CFDP1: variants seen among roughly 807,000 people sequenced by gnomAD.
The protein encoded by CFDP1 is chromatin remodeling protein CFDP1.
Under a neutral mutation model 40.1 loss-of-function variants are expected in CFDP1, and 31 were observed. The ratio of observed to expected loss-of-function variants is 0.77; its 90% CI spans 0.58 to 1.04. CFDP1 has a LOEUF of 1.04. CFDP1 is among the 50% of genes least tolerant of loss of function. The pLI, the probability that CFDP1 is intolerant of heterozygous loss-of-function variation, is 0.00. For missense variants in CFDP1, 423 were observed against 343.4 expected, an observed-to-expected ratio of 1.23 and a Z score of -1.83; for synonymous variants, 167 against 120.0, an observed-to-expected ratio of 1.39 and a Z score of -2.56.
intron 5 of CFDP1, chr16:75,372,578 T>C (rs1436478569): frequency 6.6e-6 from 1 of 152,206 alleles, no homozygotes; most frequent in African/African-American, 2.4e-5. Flanking sequence ...CCTGAAAGAA[T>C]AAACAGAAAA....
intron 4 of CFDP1, among the ~76,000 whole-genome samples, chr16:75,407,406 G>A (rs1428020332): frequency 6.6e-6 from 1 of 152,108 alleles, no homozygotes; most frequent in South Asian, 2.1e-4. Flanking sequence ...GCTGGGTGTG[G>A]TGGCTCATAC....
chr16:75,334,690 C>T (rs926928569), intron 5 of CFDP1, among the ~76,000 whole-genome samples: 20 of 152,084 alleles, frequency 1.3e-4, no homozygotes, highest in Admixed American at 6.6e-4. Context: ...TGCAGTGGCT[C>T]ACATCTGTAA....
chr16:75,359,787 T>C (rs894626915), intron 5 of CFDP1, among the ~76,000 whole-genome samples: 3 of 152,232 alleles, frequency 2.0e-5, no homozygotes, highest in African/African-American at 7.2e-5. Flanking sequence ...AACAGGGATA[T>C]GCTTCACTGT....
intron 5 of CFDP1, among the ~76,000 whole-genome samples, chr16:75,346,007 G>C (rs944230647): frequency 6.6e-6 from 1 of 152,202 alleles, no homozygotes; most frequent in Non-Finnish European, 1.5e-5. Context: ...GAATGCATGT[G>C]AAGTGAAAAA....
chr16:75,322,558 A>G (rs925887634), intron 5 of CFDP1, among the ~76,000 whole-genome samples: 2 of 152,210 alleles, frequency 1.3e-5, no homozygotes, highest in Admixed American at 1.3e-4. Flanking sequence ...ACAGAATGGT[A>G]AGCATCTATG....
At chr16:75,331,170 G>C (rs950967886) in intron 5 of CFDP1, among the ~76,000 whole-genome samples, 1 of 152,342 alleles carries the variant, frequency 6.6e-6, no homozygotes, top group East Asian at 1.9e-4. Context: ...GACAGCAGGG[G>C]AGAAGGATGA....
chr16:75,314,793 C>G (rs2078314128), intron 5 of CFDP1, among the ~76,000 whole-genome samples: 1 of 152,042 alleles, frequency 6.6e-6, no homozygotes, highest in Admixed American at 6.6e-5. Context: ...GCTCTGTCAC[C>G]CAGGCTGGAG....
intron 5 of CFDP1, among the ~76,000 whole-genome samples, chr16:75,355,932 C>T (rs953369601): frequency 6.6e-6 from 1 of 152,224 alleles, no homozygotes; most frequent in Non-Finnish European, 1.5e-5. Context: ...TGGACTAATA[C>T]AGGCTATACT....
At chr16:75,341,216 T>C (rs1295625981) in intron 5 of CFDP1, among the ~76,000 whole-genome samples, 1 of 152,228 alleles carries the variant, frequency 6.6e-6, no homozygotes, top group Non-Finnish European at 1.5e-5. Flanking sequence ...TAAATGTTAA[T>C]GGCTGTAAAT....
At chr16:75,316,999 T>A (rs1056632871) in intron 5 of CFDP1, among the ~76,000 whole-genome samples, 1 of 151,590 alleles carries the variant, frequency 6.6e-6, no homozygotes, top group Non-Finnish European at 1.5e-5. Context: ...AGATAATAAA[T>A]AAATAAATAA....
chr16:75,329,222 G>C (rs2078427246), intron 5 of CFDP1, among the ~76,000 whole-genome samples: 1 of 152,152 alleles, frequency 6.6e-6, no homozygotes, highest in African/African-American at 2.4e-5. Flanking sequence ...CTGACCTCAG[G>C]TGATCTGCCT....
At chr16:75,410,055 C>CAAAAAAAAA (rs150987819) in intron 4 of CFDP1, among the ~76,000 whole-genome samples, 17 of 52,542 alleles carry the variant, frequency 3.2e-4, no homozygotes, top group Non-Finnish European at 4.6e-4. Flanking sequence ...GACCCTTTCT[C>CAAAAAAAAA]AAAAAAAAAA....
chr16:75,384,027 T>C (rs1465006279), intron 5 of CFDP1, among the ~76,000 whole-genome samples: 1 of 152,082 alleles, frequency 6.6e-6, no homozygotes, highest in Admixed American at 6.6e-5. Flanking sequence ...CAAAATAATA[T>C]TAGTTTAATA....
chr16:75,337,614 A>G (rs756785740), intron 5 of CFDP1, among the ~76,000 whole-genome samples: 13 of 152,214 alleles, frequency 8.5e-5, no homozygotes, highest in Non-Finnish European at 1.3e-4. Flanking sequence ...GAAGGCCTCA[A>G]GAAACTTTCA....
At chr16:75,338,337 A>G (rs1397653252) in intron 5 of CFDP1, among the ~76,000 whole-genome samples, 1 of 152,226 alleles carries the variant, frequency 6.6e-6, no homozygotes, top group African/African-American at 2.4e-5. Context: ...TAAAGGGATC[A>G]TTCATCAAGG....
chr16:75,410,899 A>G (rs1185646648), intron 4 of CFDP1, among the ~76,000 whole-genome samples: 1 of 123,726 alleles, frequency 8.1e-6, no homozygotes, highest in African/African-American at 3.2e-5. Context: ...ACAGAGCAAG[A>G]CTCTGTCTCA....
chr16:75,390,212 T>G (rs766522), intron 5 of CFDP1, among the ~76,000 whole-genome samples: 1 of 152,040 alleles, frequency 6.6e-6, no homozygotes, highest in East Asian at 1.9e-4. Flanking sequence ...CTATACCCTT[T>G]CCCACATGGC....
chr16:75,416,434 G>A (rs902713387), intron 1 of CFDP1, among the ~76,000 whole-genome samples: 1 of 148,576 alleles, frequency 6.7e-6, no homozygotes, highest in African/African-American at 2.5e-5. Flanking sequence ...AAAAAAGCTC[G>A]TAAAAACTAA....
At chr16:75,342,960 G>A (rs1173536718) in intron 5 of CFDP1, among the ~76,000 whole-genome samples, 4 of 152,136 alleles carry the variant, frequency 2.6e-5, no homozygotes, top group African/African-American at 9.7e-5. Context: ...GTCTGCCCTA[G>A]GTGAGATGGC....
Sources: allele counts gnomAD v4.1 joint callset (sites outside exome capture counted in the v4.1 genomes callset), GRCh38; gene constraint gnomAD v4.1.1; transcripts MANE v1.5; gene names NCBI Gene and HGNC (gene_info 2026-07-23, HGNC 2026-07-21).